Variants in PHF5A observed in about 807,000 individuals in gnomAD.
PHF5A encodes the protein PHD finger protein 5A.
For synonymous variants in PHF5A, 52 were observed against 46.0 expected (o/e 1.13, Z -0.52); for missense variants, 24 against 140.6 (o/e 0.17, Z 4.19).
At chr22:41,468,236 T>G in intron 1 of PHF5A, 89 bp from the exon 2 acceptor site, 4 of 1,349,498 alleles carry the variant, frequency 3.0e-6, no homozygotes, top group Non-Finnish European at 4.2e-6. Context: ...GGTAGGGACA[T>G]GAGTAAGGAC....
chr22:41,462,039 G>T (rs959697249), intron 3 of PHF5A, among the ~76,000 whole-genome samples: 1 of 152,106 alleles, frequency 6.6e-6, no homozygotes, highest in East Asian at 1.9e-4. Flanking sequence ...CATGGTCTTG[G>T]GGGTACAGAG....
At chr22:41,461,043 C>T (rs1269819354) in intron 3 of PHF5A, among the ~76,000 whole-genome samples, 1 of 151,654 alleles carries the variant, frequency 6.6e-6, no homozygotes, top group Non-Finnish European at 1.5e-5. Flanking sequence ...CGTGGTGGTG[C>T]GTGCCTGTAG....
chr22:41,462,271 C>A (rs1448939056), intron 3 of PHF5A, among the ~76,000 whole-genome samples: 1 of 152,098 alleles, frequency 6.6e-6, no homozygotes, highest in African/African-American at 2.4e-5. Context: ...TATTAAACAC[C>A]CATGTCAGAG....
chr22:41,468,572 C>T (rs1353838572), intron 1 of PHF5A, 30 bp downstream of exon 1: 5 of 1,611,730 alleles, frequency 3.1e-6, no homozygotes, highest in Admixed American at 1.7e-5. Flanking sequence ...CACCCCTGCC[C>T]AGACAGCCAG....
intron 2 of PHF5A, 170 bp downstream of exon 2, chr22:41,467,954 T>A (rs1428935806): frequency 8.9e-6 from 6 of 671,714 alleles, no homozygotes; most frequent in Non-Finnish European, 1.3e-5. Context: ...CAGCGTTAAA[T>A]GTGCAAGCGG....
At position 41,468,661 on chromosome 22, in the gene PHF5A, A is replaced by T. The variant is rs2037897087; in HGVS notation, c.-8T>A. ...AGGATGATGTTTAGCCATAGCTCCT[A>T]ACTAAGCCGGCCACCGGAAGCTTCG... On this transcript the variant is annotated 5_prime_UTR_variant, in exon 1 of 4. Coordinates refer to ENST00000216252, the MANE Select transcript of PHF5A (RefSeq NM_032758.4). The T allele has an allele frequency of 1.2e-6, 2 of 1,613,838 alleles. No homozygotes were observed.
chr22:41,464,976 CA>C (rs2037854530), intron 3 of PHF5A, among the ~76,000 whole-genome samples: 2 of 152,170 alleles, frequency 1.3e-5, no homozygotes, highest in South Asian at 4.1e-4. Context: ...GGCAAATAGA[CA>C]AACCAAAGTC....
At chr22:41,467,911 T>C in intron 2 of PHF5A, 2 of 619,690 alleles carry the variant, frequency 3.2e-6, no homozygotes, top group South Asian at 2.0e-5. Flanking sequence ...CATGCTACTC[T>C]GGCGATTCTT....
In PHF5A at chr22:41,460,359, G is replaced by T; in HGVS notation, c.*39C>A. 1 of 1,510,770 alleles carries T rather than the reference G, an allele frequency of 6.6e-7. No individual in the cohort carries two copies. Among genetic ancestry groups the T allele is most frequent in the Non-Finnish European group, 9.1e-7 (1 of 1,097,594 alleles). 93.6% of individuals were successfully genotyped at this position (1,510,770 alleles called of 1,614,324 possible). ...GTAGGCATGTTTTCTGGCAGCTGCAGCAGACTGATGTTGGGGGGAGGAAGG... is the reference window on the plus strand; with the variant it reads ...GTAGGCATGTTTTCTGGCAGCTGCATCAGACTGATGTTGGGGGGAGGAAGG... On this transcript the variant is annotated 3_prime_UTR_variant, in exon 4 of 4. Coordinates refer to ENST00000216252, the MANE Select transcript of PHF5A (RefSeq NM_032758.4).
chr22:41,465,790 G>A (rs951519869), intron 3 of PHF5A, among the ~76,000 whole-genome samples: 3 of 152,160 alleles, frequency 2.0e-5, no homozygotes, highest in African/African-American at 7.2e-5. Flanking sequence ...TGAGGCAGGA[G>A]AATCGCTTGA....
At chr22:41,467,869 T>C (rs1285623722) in intron 2 of PHF5A, among the ~76,000 whole-genome samples, 2 of 152,198 alleles carry the variant, frequency 1.3e-5, no homozygotes, top group Non-Finnish European at 2.9e-5. Context: ...CCTGTATAAT[T>C]GCTGGCAAAG....
chr22:41,467,689 T>C (rs1244210961), intron 2 of PHF5A, 75 bp from the exon 3 acceptor site: 12 of 816,692 alleles, frequency 1.5e-5, no homozygotes, highest in Non-Finnish European at 2.0e-5. Context: ...GGAAATATAC[T>C]AGTCTCCTGG....
At chr22:41,463,403 C>T (rs946331828) in intron 3 of PHF5A, among the ~76,000 whole-genome samples, 2 of 151,520 alleles carry the variant, frequency 1.3e-5, no homozygotes. Flanking sequence ...CCAGGCTGAC[C>T]AATATGGTGA....
rs556725628 is a variant in PHF5A, at chr22:41,461,570, C to G, written c.244-1083G>C. 4.6e-5 allele frequency among the ~76,000 whole-genome samples: 7 copies of G among 152,082 alleles called. No homozygotes were observed. The East Asian group carries it at 1.4e-3, about 29-fold the overall frequency. On this transcript the variant is annotated intron_variant, in intron 3 of 3. Transcript: ENST00000216252. Reference sequence around the variant, plus strand: ...ACAGGGTTTCACCATGCTGCTCAGGCTGGTCTCAAACTCCTGAGCTCAGGC... The same window carrying G: ...ACAGGGTTTCACCATGCTGCTCAGGGTGGTCTCAAACTCCTGAGCTCAGGC...
intron 1 of PHF5A, 182 bp downstream of exon 1, chr22:41,468,420 G>T (rs545775978): frequency 1.2e-4 from 78 of 654,890 alleles, no homozygotes; most frequent in Non-Finnish European, 7.5e-5. Context: ...CCCAGCACGC[G>T]CACCCCCGCC....
intron 3 of PHF5A, among the ~76,000 whole-genome samples, chr22:41,462,961 C>T (rs529509343): frequency 1.3e-5 from 2 of 151,710 alleles, no homozygotes; most frequent in African/African-American, 4.8e-5. Flanking sequence ...GCAACCTCTG[C>T]CTCCTGGGTT....
chr22:41,468,402 C>CT (rs1265121835), intron 1 of PHF5A, 200 bp downstream of exon 1: 2 of 660,818 alleles, frequency 3.0e-6, no homozygotes, highest in Admixed American at 2.9e-5. Context: ...CGATACCTGC[C>CT]TGGGGCTCCC....
intron 3 of PHF5A, among the ~76,000 whole-genome samples, chr22:41,461,517 G>A (rs947044099): frequency 7.3e-5 from 11 of 151,142 alleles, no homozygotes; most frequent in Middle Eastern, 3.5e-3. Context: ...CGCCATGCCC[G>A]GCTAATTTCT....
intron 3 of PHF5A, among the ~76,000 whole-genome samples, chr22:41,466,485 T>C (rs775871656): frequency 2.6e-5 from 4 of 152,172 alleles, no homozygotes; most frequent in Non-Finnish European, 4.4e-5. Flanking sequence ...TACACCCAAA[T>C]AGTGCTTAAT....
Sources: gnomAD v4.1 joint callset for allele counts (sites outside exome capture counted in the v4.1 genomes callset) on GRCh38, gnomAD v4.1.1 for gene constraint, MANE v1.5 for transcripts, NCBI Gene and HGNC (gene_info 2026-07-23, HGNC 2026-07-21) for gene names.